Variants in LSM14A observed in about 807,000 individuals in gnomAD.
LSM14A encodes LSM14A mRNA processing body assembly factor, also known as protein LSM14 homolog A.
Under a neutral mutation model 52.4 loss-of-function variants are expected in LSM14A, and 14 were observed. The observed-to-expected ratio is 0.27, with a 90% CI of 0.18 to 0.42. The LOEUF (loss-of-function observed/expected upper bound fraction) is 0.42, where lower values mean the gene tolerates loss of function less well. Ranked by LOEUF, LSM14A falls within the 10% of genes least tolerant of loss-of-function variation. LSM14A has a pLI of 1.00. For missense variants in LSM14A, 417 were observed against 581.8 expected, an observed-to-expected ratio of 0.72 and a Z score of 2.91; for synonymous variants, 185 against 200.3, an observed-to-expected ratio of 0.92 and a Z score of 0.64.
chr19:34,196,613 T>A (rs768857699), intron 2 of LSM14A, 21 bp from the exon 3 acceptor site: 40 of 1,574,008 alleles, frequency 2.5e-5, no homozygotes, highest in Non-Finnish European at 3.3e-5. Context: ...CTTGGAAACA[T>A]AACTCATGAT....
At chr19:34,202,607 A>G (rs2071383790) in intron 3 of LSM14A, among the ~76,000 whole-genome samples, 1 of 152,108 alleles carries the variant, frequency 6.6e-6, no homozygotes, top group East Asian at 1.9e-4. Flanking sequence ...TTATATGCAT[A>G]CTCTTGGCAA....
At chr19:34,202,512 T>A (rs1454036646) in intron 3 of LSM14A, among the ~76,000 whole-genome samples, 1 of 151,528 alleles carries the variant, frequency 6.6e-6, no homozygotes, top group Non-Finnish European at 1.5e-5. Flanking sequence ...AAAAAAAATC[T>A]TGCTTATAGT....
intron 1 of LSM14A, 44 bp downstream of exon 1, chr19:34,172,807 G>A (rs2068793820): frequency 4.6e-6 from 7 of 1,512,978 alleles, no homozygotes; most frequent in East Asian, 2.8e-5. Flanking sequence ...GCCGGGCGCC[G>A]CTCGGGGCTG....
intron 8 of LSM14A, among the ~76,000 whole-genome samples, chr19:34,220,677 TGCTTCAA>T (rs2073000922): frequency 6.6e-6 from 1 of 152,220 alleles, no homozygotes; most frequent in Non-Finnish European, 1.5e-5. Context: ...GGCAGTTGTT[TGCTTCAA>T]TATAAACATG....
chr19:34,197,100 GT>G (rs963219603), intron 3 of LSM14A, among the ~76,000 whole-genome samples: 2 of 151,110 alleles, frequency 1.3e-5, no homozygotes, highest in South Asian at 2.1e-4. Flanking sequence ...GTTTTGTTTT[GT>G]TTTTTTTAAA....
chr19:34,173,472 G>A (rs2068861953), intron 1 of LSM14A, among the ~76,000 whole-genome samples: 1 of 152,178 alleles, frequency 6.6e-6, no homozygotes, highest in Admixed American at 6.5e-5. Flanking sequence ...TTCTTGACCA[G>A]GCAAGCTTGA....
intron 3 of LSM14A, among the ~76,000 whole-genome samples, chr19:34,199,790 T>C (rs751542916): frequency 3.3e-5 from 5 of 152,216 alleles, no homozygotes; most frequent in Non-Finnish European, 7.3e-5. Flanking sequence ...TAAAAATGCC[T>C]GCTAATAAGT....
rs749494050 is a variant in LSM14A, at chr19:34,194,683, G to A, written c.285+42G>A. 21 of 1,590,816 alleles carry A rather than the reference G, an allele frequency of 1.3e-5. No homozygotes were observed. The African/African-American group carries it at 1.3e-4, about 10-fold the overall frequency. ...TTGTCTTGGAGTACAGGTAAACTCC[G>A]CACAGGGTTAGCCTTGGCTTTTTTC... On this transcript the variant is annotated intron_variant, in intron 2 of 9. Transcript: ENST00000544216.
rs572194877 is a variant in LSM14A at position 34,172,609 on chromosome 19, T to C, written c.-34T>C. 2 of 1,539,230 alleles carry C rather than the reference T, an allele frequency of 1.3e-6. No individual in the cohort carries two copies. The highest frequency in any genetic ancestry group is 2.4e-5 in the South Asian group (2 of 83,102). On this transcript the variant is annotated 5_prime_UTR_variant, in exon 1 of 10. Transcript: ENST00000544216. ...GCGACAGTGGCGTGGGATCTGCCTC[T>C]CTGCGAGCAGCTGGGAGCGGCGGCG...
At chr19:34,194,112 G>A (rs1005422439) in intron 1 of LSM14A, among the ~76,000 whole-genome samples, 5 of 152,174 alleles carry the variant, frequency 3.3e-5, no homozygotes, top group Admixed American at 3.3e-4. Flanking sequence ...AGCTGAGGCT[G>A]CAGGAAGCCA....
At chr19:34,207,734 C>T (rs1823626) in intron 3 of LSM14A, among the ~76,000 whole-genome samples, 96,244 of 151,896 alleles carry the variant, frequency 0.63, 31,668 homozygotes, top group African/African-American at 0.77. Flanking sequence ...TTTCATCATA[C>T]TGGTCAGGCC....
intron 3 of LSM14A, among the ~76,000 whole-genome samples, chr19:34,196,972 A>AT (rs904729294): frequency 2.6e-4 from 39 of 150,296 alleles, no homozygotes; most frequent in Admixed American, 1.2e-3. Context: ...ACAGAGTAAC[A>AT]TTTTTTTTTA....
At chr19:34,172,950 C>T (rs756280721) in intron 1 of LSM14A, among the ~76,000 whole-genome samples, 187 bp downstream of exon 1, 1 of 152,300 alleles carries the variant, frequency 6.6e-6, no homozygotes, top group South Asian at 2.1e-4. Context: ...CCCTGGTTTC[C>T]GCCCCCCGGA....
chr19:34,204,765 C>A (rs1424002871), intron 3 of LSM14A, among the ~76,000 whole-genome samples: 1 of 152,152 alleles, frequency 6.6e-6, no homozygotes, highest in East Asian at 1.9e-4. Context: ...AATTTAATGA[C>A]CAGAAAGTTT....
In LSM14A at chr19:34,226,606, T is replaced by G. The variant is rs554652945; in HGVS notation, c.1369-759T>G. ...ACGGGGTGCAAATGTTTTGGTGTTG[T>G]ATACACAGATGAAGTTAAGTCTCAC... On this transcript the variant is annotated intron_variant, in intron 9 of 9. Coordinates refer to ENST00000544216, the MANE Select transcript of LSM14A (RefSeq NM_015578.4). 80 of 677,238 alleles carry G rather than the reference T, an allele frequency of 1.2e-4. No individual in the cohort carries two copies. In the East Asian group the frequency reaches 1.9e-3, roughly 16 times the overall value. 42.0% of individuals were successfully genotyped at this position (677,238 alleles called of 1,614,324 possible). A position where few individuals can be genotyped will look rare whatever the true frequency, so the allele number is the denominator to read the frequency against.
intron 4 of LSM14A, among the ~76,000 whole-genome samples, chr19:34,213,268 T>C (rs1174939067): frequency 6.6e-6 from 1 of 152,202 alleles, no homozygotes; most frequent in Non-Finnish European, 1.5e-5. Flanking sequence ...AAAATTGTAA[T>C]GCTTCTATTA....
chr19:34,196,317 A>C (rs1489242375), intron 2 of LSM14A, among the ~76,000 whole-genome samples: 1 of 152,090 alleles, frequency 6.6e-6, no homozygotes, highest in Non-Finnish European at 1.5e-5. Flanking sequence ...TTTTTCTCAT[A>C]TTTTTCTTTA....
At chr19:34,197,766 A>C (rs901433622) in intron 3 of LSM14A, among the ~76,000 whole-genome samples, 5 of 152,200 alleles carry the variant, frequency 3.3e-5, no homozygotes, top group Non-Finnish European at 7.3e-5. Flanking sequence ...TGTTTATTTT[A>C]AACATACATA....
chr19:34,215,598 G>A lies in LSM14A; in HGVS notation c.718G>A (p.Glu240Lys). The A allele has an allele frequency of 6.2e-7, 1 of 1,612,006 alleles. No homozygotes were observed. The highest frequency in any genetic ancestry group is 8.5e-7 in the Non-Finnish European group (1 of 1,178,180). ...ACTTTGCATGTCTTCTTCTGTAGCT[G>A]AAGTACACAAAGTTTCAAGGCCAGA... ...AGENQEHRRAEVHKVSRPENE... is the reference protein window; with the variant it reads ...AGENQEHRRAKVHKVSRPENE... The change falls in exon 6 of 10, where the codon GAA becomes AAA. Residue 240 changes from glutamate to lysine, a missense_variant and splice_region_variant. Transcript: ENST00000544216.
Sources: allele counts gnomAD v4.1 joint callset (sites outside exome capture counted in the v4.1 genomes callset), GRCh38; gene constraint gnomAD v4.1.1; transcripts MANE v1.5; gene names NCBI Gene and HGNC (gene_info 2026-07-23, HGNC 2026-07-21).